PREP: variants seen among roughly 807,000 people sequenced by gnomAD.
PREP encodes dJ355L5.1 (prolyl endopeptidase).
In PREP, 29 loss-of-function variants were observed where a neutral mutation model predicts 87.6. The ratio of observed to expected loss-of-function variants is 0.33; its 90% CI spans 0.25 to 0.45. The LOEUF (loss-of-function observed/expected upper bound fraction) is 0.45, where lower values mean the gene tolerates loss of function less well. PREP is among the 20% of genes least tolerant of loss of function. PREP has a pLI of 1.00. For synonymous variants in PREP, 337 were observed against 328.6 expected (o/e 1.03, Z -0.28); for missense variants, 695 against 886.5 (o/e 0.78, Z 2.74).
chr6:105,355,526 G>C (rs2114687414), intron 6 of PREP, among the ~76,000 whole-genome samples: 1 of 152,258 alleles, frequency 6.6e-6, no homozygotes, highest in Non-Finnish European at 1.5e-5. Flanking sequence ...GCTGCTTTTA[G>C]TATTTTGTTA....
At chr6:105,356,732 A>C (rs1031672281) in intron 6 of PREP, among the ~76,000 whole-genome samples, 3 of 152,212 alleles carry the variant, frequency 2.0e-5, no homozygotes, top group Non-Finnish European at 2.9e-5. Context: ...TCAATATCTG[A>C]AAACAGCTGC....
chr6:105,330,931 G>T (rs1483317318), intron 8 of PREP, among the ~76,000 whole-genome samples: 1 of 152,136 alleles, frequency 6.6e-6, no homozygotes, highest in African/African-American at 2.4e-5. Flanking sequence ...CCTCAATCAG[G>T]CAACATATTT....
At chr6:105,367,737 T>C (rs1020811871) in intron 6 of PREP, among the ~76,000 whole-genome samples, 12 of 152,222 alleles carry the variant, frequency 7.9e-5, no homozygotes, top group African/African-American at 2.9e-4. Flanking sequence ...AAATTTATTT[T>C]TAACACATTC....
intron 6 of PREP, among the ~76,000 whole-genome samples, chr6:105,365,689 C>T (rs1772365962): frequency 6.6e-6 from 1 of 152,174 alleles, no homozygotes. Context: ...GCCATGGTAA[C>T]TGGTGGGATG....
chr6:105,385,773 T>G (rs1205335220), intron 2 of PREP, among the ~76,000 whole-genome samples: 1 of 152,208 alleles, frequency 6.6e-6, no homozygotes, highest in Non-Finnish European at 1.5e-5. Context: ...TGTTAACAAT[T>G]ATATGAGGTG....
intron 9 of PREP, among the ~76,000 whole-genome samples, chr6:105,328,538 C>T (rs1281652946): frequency 6.6e-6 from 1 of 152,148 alleles, no homozygotes; most frequent in Non-Finnish European, 1.5e-5. Context: ...GAGTGAGACA[C>T]TGTGCCTGGC....
At chr6:105,303,151 G>A (rs1770580220) in intron 10 of PREP, among the ~76,000 whole-genome samples, 1 of 148,266 alleles carries the variant, frequency 6.7e-6, no homozygotes, top group Non-Finnish European at 1.5e-5. Context: ...ATGTATGTAT[G>A]TATGTAAAGC....
Position 105,323,902 on chromosome 6 carries a change from C to G in PREP, c.1214-134G>C, listed in dbSNP as rs188980271. On this transcript the variant is annotated intron_variant, in intron 9 of 14. Coordinates refer to ENST00000652536, the MANE Select transcript of PREP (RefSeq NM_002726.5). ...TATCAGGGACTTGGTTAATCCCCAC[C>G]ACAGTCGAAGGCTCACTGCAGACAA... 56 of 753,314 alleles carry G rather than the reference C, an allele frequency of 7.4e-5. No individual in the cohort carries two copies. In the South Asian group the frequency reaches 7.7e-4, roughly 10 times the overall value. The allele number at this position is 753,314 out of a possible 1,614,324, so 46.7% of individuals were successfully genotyped here. A position where few individuals can be genotyped will look rare whatever the true frequency, so the allele number is the denominator to read the frequency against.
In PREP at chr6:105,278,551, A is replaced by T; in HGVS notation, c.1839-113T>A. On this transcript the variant is annotated intron_variant, in intron 14 of 14. Coordinates refer to ENST00000652536, the MANE Select transcript of PREP (RefSeq NM_002726.5). The surrounding 1 kb of genome is among the most constrained non-coding windows in gnomAD (Gnocchi z 4.2). ...ACTGCAGTTAACTAGTACGTGAGTGACCACCATGGACTGTGCCTATGCGTT... is the reference window on the plus strand; with the variant it reads ...ACTGCAGTTAACTAGTACGTGAGTGTCCACCATGGACTGTGCCTATGCGTT... 2 of 1,075,692 alleles carry T rather than the reference A, an allele frequency of 1.9e-6. No homozygotes were observed. The highest frequency in any genetic ancestry group is 3.1e-5 in the African/African-American group (2 of 63,738). 66.6% of individuals were successfully genotyped at this position (1,075,692 alleles called of 1,614,324 possible).
At chr6:105,359,415 T>C (rs1315326362) in intron 6 of PREP, among the ~76,000 whole-genome samples, 2 of 152,214 alleles carry the variant, frequency 1.3e-5, no homozygotes, top group Non-Finnish European at 2.9e-5. Context: ...TAAATGATGA[T>C]TAAAGAAGTA....
chr6:105,397,185 C>CCAAAAAAA (rs775026045), intron 2 of PREP, among the ~76,000 whole-genome samples: 1,261 of 86,558 alleles, frequency 0.015, 57 homozygotes, highest in African/African-American at 0.04. Flanking sequence ...ACTCTGTCTA[C>CCAAAAAAA]AAAAAAAAAA....
chr6:105,359,818 C>G (rs1772198552), intron 6 of PREP, among the ~76,000 whole-genome samples: 1 of 152,152 alleles, frequency 6.6e-6, no homozygotes, highest in Non-Finnish European at 1.5e-5. Context: ...AAGGGCTCAC[C>G]TAGCTTGAGG....
chr6:105,371,500 CAAAAAAAAA>C (rs528772896), intron 5 of PREP, among the ~76,000 whole-genome samples: 1 of 44,804 alleles, frequency 2.2e-5, no homozygotes, highest in Non-Finnish European at 4.7e-5. Flanking sequence ...GATTCCATCT[CAAAAAAAAA>C]AAAAAAAAAA....
chr6:105,285,007 G>C (rs1204955388), intron 12 of PREP, among the ~76,000 whole-genome samples: 1 of 152,208 alleles, frequency 6.6e-6, no homozygotes, highest in Admixed American at 6.5e-5. Flanking sequence ...GGGAAGATCT[G>C]AGAAAACCAG....
intron 1 of PREP, among the ~76,000 whole-genome samples, chr6:105,399,013 A>C (rs1336987459): frequency 6.6e-6 from 1 of 152,068 alleles, no homozygotes; most frequent in Non-Finnish European, 1.5e-5. Context: ...AGGCTAAGGC[A>C]GGGGAGTCTC....
chr6:105,304,110 T>A (rs183157319), intron 10 of PREP, among the ~76,000 whole-genome samples: 19 of 150,770 alleles, frequency 1.3e-4, no homozygotes, highest in African/African-American at 4.4e-4. Context: ...GATTGAAAAA[T>A]TTTTTTTAAA....
At chr6:105,279,865 CTCAG>C (rs1442012122) in intron 14 of PREP, among the ~76,000 whole-genome samples, 3 of 152,310 alleles carry the variant, frequency 2.0e-5, no homozygotes, top group African/African-American at 7.2e-5. Flanking sequence ...CTTCAATTAA[CTCAG>C]TATTTTCAAA....
intron 10 of PREP, among the ~76,000 whole-genome samples, chr6:105,309,073 G>A (rs758124353): frequency 1.3e-5 from 2 of 152,202 alleles, no homozygotes; most frequent in Middle Eastern, 3.4e-3. Flanking sequence ...AGGCCAGAGC[G>A]GCTGCAGCAG....
chr6:105,307,759 C>T (rs1149315), intron 10 of PREP, among the ~76,000 whole-genome samples: 5,007 of 152,076 alleles, frequency 0.033, 273 homozygotes, highest in African/African-American at 0.11. Context: ...ATTACAGGCA[C>T]CCACTACCAT....
Sources: gnomAD v4.1 joint callset for allele counts (sites outside exome capture counted in the v4.1 genomes callset) on GRCh38, gnomAD v4.1.1 for gene constraint, Gnocchi (gnomAD v3.1) non-coding constraint, MANE v1.5 for transcripts, NCBI Gene and HGNC (gene_info 2026-07-23, HGNC 2026-07-21) for gene names.